The following STAU1 variants were observed in gnomAD, a reference collection of about 807,000 sequenced individuals.
STAU1 encodes double-stranded RNA-binding protein Staufen homolog 1.
Under a neutral mutation model 62.9 loss-of-function variants are expected in STAU1, and 13 were observed. The ratio of observed to expected loss-of-function variants is 0.21; its 90% CI spans 0.13 to 0.33. STAU1 has a LOEUF of 0.33. Among genes scored for constraint, STAU1 ranks in the 10% least tolerant of loss-of-function variants. STAU1 has a pLI of 1.00. For synonymous variants in STAU1, 269 were observed against 265.1 expected, an observed-to-expected ratio of 1.01 and a Z score of -0.14; for missense variants, 571 against 712.1, an observed-to-expected ratio of 0.80 and a Z score of 2.25.
At chr20:49,123,392 T>C (rs756137125) in intron 7 of STAU1, among the ~76,000 whole-genome samples, 157 bp from the exon 8 acceptor site, 1 of 152,196 alleles carries the variant, frequency 6.6e-6, no homozygotes, top group Non-Finnish European at 1.5e-5. Flanking sequence ...AATGAAAAGA[T>C]GCTTTATTTT....
At chr20:49,124,075 C>T (rs555189038) in intron 7 of STAU1, among the ~76,000 whole-genome samples, 10 of 152,356 alleles carry the variant, frequency 6.6e-5, no homozygotes, top group South Asian at 4.1e-4. Context: ...TATTTCACCA[C>T]GCGCCCCACA....
chr20:49,113,364 A>G lies in STAU1; in HGVS notation c.*1514T>C, dbSNP rs977321124. The G allele has an allele frequency of 6.6e-6, 1 of 152,610 alleles. No individual in the cohort carries two copies. The highest frequency in any genetic ancestry group is 2.4e-5 in the African/African-American group (1 of 41,448). 9.5% of individuals were successfully genotyped at this position (152,610 alleles called of 1,614,324 possible). A position where few individuals can be genotyped will look rare whatever the true frequency, so the allele number is the denominator to read the frequency against. ...TTCATTAGTAGCTGTTTATTGATCA[A>G]TGGTTTGATATAAAGTTATTTCAGA... On this transcript the variant is annotated 3_prime_UTR_variant, in exon 14 of 14. Coordinates refer to ENST00000371856, the MANE Select transcript of STAU1 (RefSeq NM_017453.4).
rs1555873870 is a variant in STAU1, at chr20:49,180,336, C to CG, written c.-159-6068_-159-6067insC. Among the ~76,000 whole-genome samples the CG allele has an allele frequency of 4.4e-4, 66 of 150,734 alleles. 1 individual carries two copies. Among genetic ancestry groups the CG allele is most frequent in the Non-Finnish European group, 5.9e-5 (4 of 67,730 alleles). On this transcript the variant is annotated intron_variant, in intron 1 of 13. Coordinates refer to ENST00000371856, the MANE Select transcript of STAU1 (RefSeq NM_017453.4). ...CTACAGTTCTTTTTTTTTTTTTCCC[C>CG]CCCTGGATACAGAGTCTTGCTCTGT...
At chr20:49,175,189 G>C (rs2093643923) in intron 1 of STAU1, among the ~76,000 whole-genome samples, 1 of 151,818 alleles carries the variant, frequency 6.6e-6, no homozygotes, top group Admixed American at 6.6e-5. Flanking sequence ...AAATTAGCCA[G>C]GCATGGTGGC....
the STAU1 span, among the ~76,000 whole-genome samples, chr20:49,194,364 G>A: frequency 6.7e-6 from 1 of 149,712 alleles, no homozygotes; most frequent in South Asian, 2.1e-4. Flanking sequence ...GGGAGGCAGA[G>A]GTTGCAGTGA....
chr20:49,133,181 A>G (rs2092789726), intron 6 of STAU1, among the ~76,000 whole-genome samples: 1 of 152,236 alleles, frequency 6.6e-6, no homozygotes, highest in Non-Finnish European at 1.5e-5. Context: ...AAACCTTAAC[A>G]AAAGTGAAGG....
chr20:49,195,891 TTC>T, the STAU1 span, among the ~76,000 whole-genome samples: 1 of 50,100 alleles, frequency 2.0e-5, no homozygotes, highest in Non-Finnish European at 4.1e-5. Flanking sequence ...AGAGTGAAAC[TTC>T]CTCTCAAAAA....
the STAU1 span, among the ~76,000 whole-genome samples, chr20:49,206,716 ATT>A: frequency 8.5e-3 from 424 of 49,628 alleles, 13 homozygotes; most frequent in South Asian, 0.12. Context: ...TTTAAATGAA[ATT>A]TTATATATAT....
intron 5 of STAU1, among the ~76,000 whole-genome samples, chr20:49,137,485 G>A (rs1405468940): frequency 6.6e-6 from 1 of 152,086 alleles, no homozygotes; most frequent in East Asian, 1.9e-4. Context: ...AACAAAAAGA[G>A]CTGTTTTTCT....
intron 1 of STAU1, among the ~76,000 whole-genome samples, chr20:49,177,416 C>T (rs903475749): frequency 3.3e-5 from 5 of 151,770 alleles, no homozygotes; most frequent in African/African-American, 9.7e-5. Context: ...TGTGGACTCA[C>T]GCCTATAATC....
intron 6 of STAU1, chr20:49,135,015 G>A (rs1225509478): frequency 3.8e-6 from 6 of 1,598,490 alleles, no homozygotes; most frequent in South Asian, 1.1e-5. Flanking sequence ...CCTGGACAGC[G>A]AAGGGAGCCC....
intron 1 of STAU1, among the ~76,000 whole-genome samples, chr20:49,174,688 A>G (rs2093637211): frequency 6.6e-6 from 1 of 152,232 alleles, no homozygotes; most frequent in Non-Finnish European, 1.5e-5. Context: ...CTGTAATCCC[A>G]GCACTTTGGG....
intron 3 of STAU1, among the ~76,000 whole-genome samples, chr20:49,157,497 T>TTTTGAGA (rs539328606): frequency 2.6e-5 from 4 of 151,680 alleles, no homozygotes; most frequent in Non-Finnish European, 5.9e-5. Flanking sequence ...TTTTTTATTT[T>TTTTGAGA]TTTGAGACAG....
intron 7 of STAU1, among the ~76,000 whole-genome samples, chr20:49,123,970 G>A (rs1335821741): frequency 2.0e-5 from 3 of 152,148 alleles, no homozygotes; most frequent in African/African-American, 4.8e-5. Context: ...ACAGCAAAAT[G>A]TCTCACTCCT....
At chr20:49,153,190 CAGT>C (rs2093287610) in intron 4 of STAU1, among the ~76,000 whole-genome samples, 1 of 143,538 alleles carries the variant, frequency 7.0e-6, no homozygotes, top group Non-Finnish European at 1.5e-5. Flanking sequence ...GCAGAGCTTG[CAGT>C]GAGCCGAGAT....
chr20:49,121,694 A>G (rs191182994), intron 8 of STAU1, among the ~76,000 whole-genome samples: 160 of 152,354 alleles, frequency 1.1e-3, no homozygotes, highest in Non-Finnish European at 1.8e-3. Flanking sequence ...AATTTATAAC[A>G]CACATCCTTT....
intron 3 of STAU1, among the ~76,000 whole-genome samples, chr20:49,160,529 A>G (rs2093432434): frequency 1.3e-5 from 2 of 152,250 alleles, no homozygotes; most frequent in Non-Finnish European, 2.9e-5. Flanking sequence ...TTAACTCCAG[A>G]TATGCAAGAA....
intron 6 of STAU1, among the ~76,000 whole-genome samples, chr20:49,125,534 G>GAAAA (rs527934630): frequency 1.6e-4 from 12 of 76,364 alleles, no homozygotes; most frequent in South Asian, 5.4e-4. Context: ...TGTCTCAAAG[G>GAAAA]AAAAAAAAAA....
intron 5 of STAU1, among the ~76,000 whole-genome samples, chr20:49,140,226 A>G (rs1444351098): frequency 1.3e-5 from 2 of 152,148 alleles, no homozygotes; most frequent in Non-Finnish European, 2.9e-5. Flanking sequence ...GTAAAATGGT[A>G]CAGTTGCTAT....
Sources: gnomAD v4.1 joint callset for allele counts (sites outside exome capture counted in the v4.1 genomes callset) on GRCh38, gnomAD v4.1.1 for gene constraint, MANE v1.5 for transcripts, NCBI Gene and HGNC (gene_info 2026-07-23, HGNC 2026-07-21) for gene names.